CTCF: variants seen among roughly 807,000 people sequenced by gnomAD.
CTCF encodes CCCTC-binding factor.
A neutral mutation model predicts 72.3 loss-of-function variants in CTCF; 7 were observed. The observed-to-expected ratio is 0.10, with a 90% confidence interval of 0.06 to 0.18. The LOEUF is 0.18. Among genes scored for constraint, CTCF ranks in the 10% least tolerant of loss-of-function variants. CTCF has a pLI of 1.00. For missense variants in CTCF, 516 were observed against 949.1 expected (o/e 0.54, Z 6.00); for synonymous variants, 374 against 315.8 (o/e 1.18, Z -1.95).
chr16:67,593,114 T>A (rs1320644863), intron 2 of CTCF, among the ~76,000 whole-genome samples: 1 of 149,794 alleles, frequency 6.7e-6, no homozygotes, highest in Non-Finnish European at 1.5e-5. Flanking sequence ...TTTTAATATA[T>A]GGTTTTTAAT....
intron 2 of CTCF, among the ~76,000 whole-genome samples, chr16:67,604,533 G>A (rs780304658): frequency 2.0e-5 from 3 of 151,970 alleles, no homozygotes; most frequent in Non-Finnish European, 2.9e-5. Flanking sequence ...AGTAGAGACA[G>A]GATTTCGCCA....
At chr16:67,606,478 G>A (rs758180485) in intron 2 of CTCF, among the ~76,000 whole-genome samples, 1 of 152,148 alleles carries the variant, frequency 6.6e-6, no homozygotes, top group Non-Finnish European at 1.5e-5. Context: ...GTAGGACCAG[G>A]CCTCCCAAAA....
intron 7 of CTCF, among the ~76,000 whole-genome samples, chr16:67,624,109 G>GTGTGTGTGTGTT (rs2052245956): frequency 7.3e-6 from 1 of 136,152 alleles, no homozygotes; most frequent in Admixed American, 7.2e-5. Context: ...GTGTGTGTGT[G>GTGTGTGTGTGTT]TGTGTGTATG....
intron 3 of CTCF, 90 bp downstream of exon 3, chr16:67,611,703 G>T: frequency 7.7e-7 from 1 of 1,298,366 alleles, no homozygotes; most frequent in Non-Finnish European, 1.1e-6. Flanking sequence ...TATATTAACC[G>T]TATTTGTAAA....
rs1055470472 is a variant in CTCF at position 67,628,622 on chromosome 16, C to T, written c.1701+70C>T. 10 of 1,488,854 alleles carry T rather than the reference C, an allele frequency of 6.7e-6. No homozygotes were observed. The Admixed American group carries it at 1.3e-4, about 19-fold the overall frequency. 92.2% of individuals were successfully genotyped at this position (1,488,854 alleles called of 1,614,324 possible). ...GGATTTTTGGTCTTCCTCTGCAGAG[C>T]ATGGTAGTTTTTTTCACTGAGGTTA... On this transcript the variant is annotated intron_variant, in intron 9 of 11. Coordinates refer to ENST00000264010, the MANE Select transcript of CTCF (RefSeq NM_006565.4).
rs548294322 is a variant in CTCF, at chr16:67,610,973, G to C, written c.141G>C (p.Gly47=). The C allele has an allele frequency of 4.4e-6, 7 of 1,600,178 alleles. No individual in the cohort carries two copies. The South Asian group carries it at 6.6e-5, about 15-fold the overall frequency. ...ACTTACCCCAGAACCAGACGGATGGGGGTGAGGTGGTCCAGGATGTCAACA... is the reference window on the plus strand; with the variant it reads ...ACTTACCCCAGAACCAGACGGATGGCGGTGAGGTGGTCCAGGATGTCAACA... ...ACHLPQNQTD[G]GEVVQDVNSS... is the part of the protein sequence containing the mutation. The change falls in exon 3 of 12, where the codon GGG becomes GGC. Residue 47 remains glycine, a synonymous_variant. Coordinates refer to ENST00000264010, the MANE Select transcript of CTCF (RefSeq NM_006565.4).
chr16:67,620,828 T>C lies in CTCF; in HGVS notation c.1207+11T>C. ...TGAGAACCCATTCAGGTAGGACTTC[T>C]CCACTCCTTACTGTATTAATGAGCT... is the stretch of plus-strand genomic sequence containing the variant. On this transcript the variant is annotated intron_variant, in intron 6 of 11. Transcript: ENST00000264010. The C allele has an allele frequency of 6.4e-7, 1 of 1,573,904 alleles. No individual in the cohort carries two copies. The highest frequency in any genetic ancestry group is 1.1e-5 in the South Asian group (1 of 86,982).
chr16:67,586,621 T>G (rs1265037182), intron 2 of CTCF, among the ~76,000 whole-genome samples: 1 of 151,752 alleles, frequency 6.6e-6, no homozygotes, highest in African/African-American at 2.4e-5. Context: ...TTGAACCCCC[T>G]GGGAGGTGGA....
chr16:67,582,018 T>C (rs1052018584), intron 2 of CTCF, among the ~76,000 whole-genome samples: 1 of 151,482 alleles, frequency 6.6e-6, no homozygotes, highest in Non-Finnish European at 1.5e-5. Context: ...GGTCAGGAGA[T>C]GGAGACCATC....
At chr16:67,608,368 C>G (rs2142814812) in intron 2 of CTCF, among the ~76,000 whole-genome samples, 1 of 151,852 alleles carries the variant, frequency 6.6e-6, no homozygotes, top group Non-Finnish European at 1.5e-5. Flanking sequence ...AGATGTGGTT[C>G]TTATTCTCAG....
At chr16:67,625,015 C>A (rs944919338) in intron 7 of CTCF, among the ~76,000 whole-genome samples, 1 of 152,156 alleles carries the variant, frequency 6.6e-6, no homozygotes, top group South Asian at 2.1e-4. Context: ...ACCACCACTT[C>A]CCTGGTTTAA....
intron 2 of CTCF, among the ~76,000 whole-genome samples, chr16:67,577,377 A>T (rs954576634): frequency 4.7e-5 from 7 of 148,002 alleles, no homozygotes; most frequent in Non-Finnish European, 8.9e-5. Context: ...AAAAAAAAGG[A>T]TAATGAAATG....
At chr16:67,583,517 T>C (rs780984898) in intron 2 of CTCF, among the ~76,000 whole-genome samples, 20 of 151,776 alleles carry the variant, frequency 1.3e-4, no homozygotes, top group Non-Finnish European at 2.6e-4. Flanking sequence ...TGAAACCCTG[T>C]CTCTACTGAA....
At chr16:67,584,336 TC>T (rs565468735) in intron 2 of CTCF, among the ~76,000 whole-genome samples, 3 of 142,020 alleles carry the variant, frequency 2.1e-5, no homozygotes, top group African/African-American at 5.6e-5. Flanking sequence ...AAAAAAGTCT[TC>T]TTTTTTTTTT....
chr16:67,621,380 T>A (rs2052196702), intron 6 of CTCF, 62 bp from the exon 7 acceptor site: 3 of 1,273,046 alleles, frequency 2.4e-6, no homozygotes, highest in Non-Finnish European at 3.4e-6. Context: ...TGAGTTACCC[T>A]CCAGTTAAAT....
chr16:67,585,723 C>T (rs1342580623), intron 2 of CTCF, among the ~76,000 whole-genome samples: 3 of 152,068 alleles, frequency 2.0e-5, no homozygotes, highest in African/African-American at 7.3e-5. Context: ...CACATATTTA[C>T]AGAGGTATGA....
chr16:67,594,363 G>A (rs986100762), intron 2 of CTCF, among the ~76,000 whole-genome samples: 1 of 149,140 alleles, frequency 6.7e-6, no homozygotes, highest in Non-Finnish European at 1.5e-5. Context: ...CAGCCTGAGC[G>A]ACAGGGTGGG....
chr16:67,593,695 CA>C (rs1348604722), intron 2 of CTCF, among the ~76,000 whole-genome samples: 1 of 152,104 alleles, frequency 6.6e-6, no homozygotes, highest in Non-Finnish European at 1.5e-5. Context: ...CAAGAGAATG[CA>C]GATAGACTTC....
At chr16:67,589,187 C>G (rs575712330) in intron 2 of CTCF, among the ~76,000 whole-genome samples, 1 of 152,132 alleles carries the variant, frequency 6.6e-6, no homozygotes, top group Non-Finnish European at 1.5e-5. Flanking sequence ...GTCCCAACTA[C>G]CCAGGAGGCT....
Sources: allele counts gnomAD v4.1 joint callset (sites outside exome capture counted in the v4.1 genomes callset), GRCh38; gene constraint gnomAD v4.1.1; transcripts MANE v1.5; gene names NCBI Gene and HGNC (gene_info 2026-07-23, HGNC 2026-07-21).